The following CC2D2B variants were observed in gnomAD, a reference collection of about 807,000 sequenced individuals.
CC2D2B encodes protein CC2D2B.
A neutral mutation model predicts 161.2 loss-of-function variants in CC2D2B; 128 were observed. That is an observed-to-expected ratio of 0.79 (90% CI 0.69 to 0.92). CC2D2B has a LOEUF of 0.92. Ranked by LOEUF, CC2D2B falls within the 40% of genes least tolerant of loss-of-function variation. CC2D2B has a pLI of 0.00. For synonymous variants in CC2D2B, 391 were observed against 449.8 expected (o/e 0.87, Z 1.65); for missense variants, 1,173 against 1,375.1 (o/e 0.85, Z 2.32).
At chr10:96,016,488 T>C (rs1160843089) in intron 30 of CC2D2B, among the ~76,000 whole-genome samples, 174 bp downstream of exon 30, 4 of 152,186 alleles carry the variant, frequency 2.6e-5, no homozygotes, top group Non-Finnish European at 5.9e-5. Context: ...ATTTTTACAA[T>C]GTAAAGACTG....
chr10:95,940,747 A>G (rs987631838), intron 9 of CC2D2B, among the ~76,000 whole-genome samples: 1 of 152,236 alleles, frequency 6.6e-6, no homozygotes, highest in African/African-American at 2.4e-5. Context: ...ATGGAAAGAC[A>G]TCCCATGTTC....
chr10:95,993,179 A>G lies in CC2D2B; in HGVS notation c.2642+482A>G, dbSNP rs76394276. 5.9e-3 allele frequency: 923 copies of G among 155,412 alleles called. 6 individuals are homozygous for G. The highest frequency in any genetic ancestry group is 0.024 in the Middle Eastern group (46 of 1,928). The allele number at this position is 155,412 out of a possible 1,614,324, so 9.6% of individuals were successfully genotyped here. On this transcript the variant is annotated intron_variant, in intron 22 of 34. Transcript: ENST00000646931. ...TTTAGACCTGTTATTTTTAGGTAAC[A>G]TCTACAAATTGTATGTGCCCCATTG... is the stretch of plus-strand genomic sequence containing the variant.
chr10:95,966,978 A>G (rs976253592), intron 14 of CC2D2B, among the ~76,000 whole-genome samples: 3 of 152,014 alleles, frequency 2.0e-5, no homozygotes, highest in African/African-American at 7.2e-5. Flanking sequence ...ACTAGGTCTA[A>G]TTTTTCAACA....
intron 9 of CC2D2B, among the ~76,000 whole-genome samples, chr10:95,940,625 CT>C (rs893775145): frequency 3.3e-5 from 5 of 152,156 alleles, no homozygotes; most frequent in African/African-American, 1.2e-4. Flanking sequence ...ATCCAGTTGA[CT>C]TAGTACCATT....
intron 19 of CC2D2B, chr10:95,984,825 C>T (rs2077656474): frequency 6.6e-6 from 1 of 151,932 alleles, no homozygotes; most frequent in Admixed American, 6.6e-5. Flanking sequence ...AGCTGAGCTC[C>T]TGCCACTGCA....
chr10:95,996,843 G>A (rs1214622909), intron 24 of CC2D2B, among the ~76,000 whole-genome samples: 1 of 152,186 alleles, frequency 6.6e-6, no homozygotes, highest in African/African-American at 2.4e-5. Context: ...CCAATGCTGG[G>A]AAGTGAGGCC....
intron 17 of CC2D2B, among the ~76,000 whole-genome samples, chr10:95,977,665 A>G (rs898358876): frequency 6.6e-6 from 1 of 152,220 alleles, no homozygotes; most frequent in African/African-American, 2.4e-5. Flanking sequence ...CTAGATCTAA[A>G]AGTGTCTTTA....
In CC2D2B at chr10:96,019,272, T is replaced by C; in HGVS notation, c.3700T>C (p.Cys1234Arg). 2.5e-6 allele frequency: 4 copies of C among 1,613,242 alleles called. No homozygotes were observed. Among genetic ancestry groups the C allele is most frequent in the Non-Finnish European group, 2.5e-6 (3 of 1,179,522 alleles). Residue 1234 changes from cysteine to arginine, a missense_variant, in exon 31 of 35, where the codon TGT becomes CGT. Coordinates refer to ENST00000646931, the MANE Select transcript of CC2D2B (RefSeq NM_001349008.3). ...YLLWNPSTGQ[C>R]YKQFDPFCPL... The stretch of plus-strand genomic sequence containing the variant: ...GCTTTGGAATCCATCAACTGGCCAA[T>C]GTTATAAGCAGTTTGACCCGTTTTG...
rs1038283293 is a variant in CC2D2B, at chr10:95,983,645, C to T, written c.2122C>T (p.Arg708Cys). The T allele has an allele frequency of 2.1e-5, 26 of 1,231,424 alleles. No individual in the cohort carries two copies. Among genetic ancestry groups the T allele is most frequent in the Middle Eastern group, 3.1e-4 (1 of 3,226 alleles). 76.3% of individuals were successfully genotyped at this position (1,231,424 alleles called of 1,614,324 possible). Residue 708 changes from arginine (R) to cysteine (C), a missense_variant, in exon 19 of 35, where the codon CGT becomes TGT. Arg to Cys is a radical substitution (Grantham distance 180). This residue lies in a region of CC2D2B where 277 missense variants were observed against 420.6 expected (regional missense o/e 0.66). Transcript: ENST00000646931. ...LKGQDIPKYF[R>C]LEQLQDEFNF... ...GGGGCAGGATATTCCAAAGTATTTTCGTCTTGAACAGTTGCAAGATGAATT... is the reference window on the plus strand; with the variant it reads ...GGGGCAGGATATTCCAAAGTATTTTTGTCTTGAACAGTTGCAAGATGAATT...
intron 5 of CC2D2B, among the ~76,000 whole-genome samples, chr10:95,926,725 T>G (rs1412928301): frequency 5.3e-5 from 8 of 151,970 alleles, no homozygotes; most frequent in South Asian, 2.1e-4. Flanking sequence ...AATGAGAGCT[T>G]CTTTGTCAGC....
chr10:95,946,220 A>G (rs1363223821), intron 9 of CC2D2B, among the ~76,000 whole-genome samples: 1 of 152,228 alleles, frequency 6.6e-6, no homozygotes, highest in Non-Finnish European at 1.5e-5. Flanking sequence ...TTTGAAGCCT[A>G]CAGTCACTTC....
intron 25 of CC2D2B, among the ~76,000 whole-genome samples, chr10:96,007,175 C>T (rs138752274): frequency 3.3e-5 from 5 of 152,104 alleles, no homozygotes; most frequent in Non-Finnish European, 7.4e-5. Flanking sequence ...TTTCCCACCT[C>T]CCACCCTCCA....
intron 34 of CC2D2B, among the ~76,000 whole-genome samples, chr10:96,029,272 A>ATG (rs1564689164): frequency 2.2e-4 from 14 of 63,778 alleles, no homozygotes; most frequent in Non-Finnish European, 2.1e-4. Flanking sequence ...ATATATATAT[A>ATG]TATATATATA....
At chr10:95,932,937 G>T (rs180967661) in intron 6 of CC2D2B, among the ~76,000 whole-genome samples, 23 of 152,282 alleles carry the variant, frequency 1.5e-4, no homozygotes, top group Non-Finnish European at 2.9e-4. Context: ...GTCTTGCTAA[G>T]TTGGGGAAGT....
At chr10:95,986,544 T>C (rs994912779) in intron 19 of CC2D2B, among the ~76,000 whole-genome samples, 8 of 151,942 alleles carry the variant, frequency 5.3e-5, no homozygotes, top group African/African-American at 1.9e-4. Flanking sequence ...AATTTTGGGA[T>C]ACAAAGGTAT....
intron 31 of CC2D2B, 34 bp downstream of exon 31, chr10:96,019,371 C>G: frequency 6.3e-7 from 1 of 1,581,774 alleles, no homozygotes; most frequent in Non-Finnish European, 8.6e-7. Context: ...CTTGAGTTAT[C>G]TCCTCTAGAG....
intron 6 of CC2D2B, among the ~76,000 whole-genome samples, chr10:95,935,604 C>G (rs934635100): frequency 6.6e-6 from 1 of 151,694 alleles, no homozygotes; most frequent in African/African-American, 2.4e-5. Flanking sequence ...TTTTTCACTA[C>G]TCTCCTCTCT....
At chr10:95,969,401 C>T (rs977919990) in intron 15 of CC2D2B, among the ~76,000 whole-genome samples, 15 of 151,760 alleles carry the variant, frequency 9.9e-5, no homozygotes, top group African/African-American at 3.4e-4. Context: ...TGTAAGAACC[C>T]CCACACTAAT....
rs1331194848 is a variant in CC2D2B, at chr10:96,033,281, T to C, written c.*1273T>C. On this transcript the variant is annotated 3_prime_UTR_variant, in exon 35 of 35. Transcript: ENST00000646931. ...TGGTGCCAGAAAAGGCCTCACTTAT[T>C]TGTGGTGATGTTAGTCTTGGACCAA... is the stretch of plus-strand genomic sequence containing the variant. Among the ~76,000 whole-genome samples, 1 of 152,154 alleles carries C rather than the reference T, an allele frequency of 6.6e-6. No individual in the cohort carries two copies. Among genetic ancestry groups the C allele is most frequent in the Non-Finnish European group, 1.5e-5 (1 of 68,022 alleles).
Sources: gnomAD v4.1 joint callset for allele counts (sites outside exome capture counted in the v4.1 genomes callset) on GRCh38, gnomAD v4.1.1 for gene constraint, gnomAD v4.1.1 regional missense constraint, MANE v1.5 for transcripts, NCBI Gene and HGNC (gene_info 2026-07-23, HGNC 2026-07-21) for gene names.